The following CAPRIN2 variants were observed in gnomAD, a reference collection of about 807,000 sequenced individuals.
CAPRIN2 encodes caprin family member 2, also known as caprin-2.
Under a neutral mutation model 130.4 loss-of-function variants are expected in CAPRIN2, and 66 were observed. That is an observed-to-expected ratio of 0.51 (90% CI 0.42 to 0.62). CAPRIN2 has a LOEUF of 0.62. Among genes scored for constraint, CAPRIN2 ranks in the 20% least tolerant of loss-of-function variants. The probability of loss-of-function intolerance (pLI) is 0.00; values close to 1 mark genes in which losing one functional copy is unlikely to be tolerated. For missense variants in CAPRIN2, 1,185 were observed against 1,246.6 expected (o/e 0.95, Z 0.74); for synonymous variants, 471 against 444.1 (o/e 1.06, Z -0.76).
intron 10 of CAPRIN2, 109 bp from the exon 12 acceptor site, chr12:30,723,423 G>C (rs2059986521): frequency 2.8e-6 from 2 of 712,200 alleles, no homozygotes; most frequent in Admixed American, 2.4e-5. Flanking sequence ...TTAGCTGGAA[G>C]GACTACGTCT....
chr12:30,753,681 G>C (rs1374182043), exon 1 of CAPRIN2: 5 of 1,614,024 alleles, frequency 3.1e-6, no homozygotes, highest in Non-Finnish European at 4.2e-6. Context: ...AACTTCCCTG[G>C]AAAGTCTAGA....
intron 4 of CAPRIN2, 113 bp from the exon 6 acceptor site, chr12:30,733,824 T>C: frequency 1.4e-6 from 1 of 736,250 alleles, no homozygotes. Context: ...AATGTTAATT[T>C]TGTCTTTTTG....
intron 3 of CAPRIN2, among the ~76,000 whole-genome samples, chr12:30,738,676 T>C (rs1397499884): frequency 6.6e-6 from 1 of 152,076 alleles, no homozygotes; most frequent in Non-Finnish European, 1.5e-5. Context: ...AGATCTAATA[T>C]CCAGTATCTA....
At chr12:30,747,374 C>T (rs1052436163) in intron 2 of CAPRIN2, among the ~76,000 whole-genome samples, 2 of 152,218 alleles carry the variant, frequency 1.3e-5, no homozygotes, top group East Asian at 1.9e-4. Context: ...TTGACTTTCA[C>T]GTCTTCTTAA....
chr12:30,737,758 C>T (rs937291517), intron 3 of CAPRIN2, among the ~76,000 whole-genome samples: 4 of 151,932 alleles, frequency 2.6e-5, no homozygotes, highest in South Asian at 2.1e-4. Flanking sequence ...CCACCACGCC[C>T]GGCTAATTTT....
intron 5 of CAPRIN2, among the ~76,000 whole-genome samples, chr12:30,733,192 C>T (rs1451715961): frequency 6.6e-6 from 1 of 152,114 alleles, no homozygotes; most frequent in Non-Finnish European, 1.5e-5. Flanking sequence ...TTTCCACAGA[C>T]CACTTCCAGA....
exon 13 of CAPRIN2, chr12:30,716,526 C>T (rs2057622301): frequency 6.2e-7 from 1 of 1,613,676 alleles, no homozygotes. Flanking sequence ...TGAGAATGGA[C>T]AGTTTGTTCT....
At chr12:30,747,731 T>C (rs2071406418) in intron 2 of CAPRIN2, among the ~76,000 whole-genome samples, 1 of 150,982 alleles carries the variant, frequency 6.6e-6, no homozygotes, top group African/African-American at 2.4e-5. Context: ...CTGCCATAGA[T>C]AGTGATTTGT....
exon 1 of CAPRIN2, chr12:30,753,915 G>A: frequency 1.5e-6 from 1 of 681,192 alleles, no homozygotes; most frequent in South Asian, 1.9e-5. Context: ...TCTCATGAGG[G>A]CAGATCACAT....
intron 12 of CAPRIN2, among the ~76,000 whole-genome samples, chr12:30,718,465 C>T (rs1398528828): frequency 1.3e-5 from 2 of 152,144 alleles, no homozygotes; most frequent in East Asian, 1.9e-4. Flanking sequence ...CTTATTGGCT[C>T]ACTAAGGCTT....
intron 12 of CAPRIN2, 159 bp from the exon 14 acceptor site, chr12:30,719,384 A>G (rs1441077419): frequency 5.4e-6 from 4 of 737,804 alleles, no homozygotes; most frequent in East Asian, 2.7e-5. Context: ...TCAAATCTCA[A>G]TTGCTGAGGA....
upstream of CAPRIN2, chr12:30,754,909 C>G (rs1046176050): frequency 6.6e-6 from 1 of 152,398 alleles, no homozygotes; most frequent in Non-Finnish European, 1.5e-5. Context: ...CCCGCGGCCT[C>G]TGCGGCGCCA....
chr12:30,717,211 C>T (rs958616455), intron 12 of CAPRIN2, among the ~76,000 whole-genome samples: 3 of 151,930 alleles, frequency 2.0e-5, no homozygotes, highest in African/African-American at 7.3e-5. Context: ...AATGGATAAG[C>T]GAAATGAAGT....
chr12:30,719,395 T>C (rs1413503509), intron 12 of CAPRIN2, 170 bp from the exon 14 acceptor site: 4 of 684,522 alleles, frequency 5.8e-6, no homozygotes, highest in Non-Finnish European at 9.8e-6. Flanking sequence ...TTGCTGAGGA[T>C]GCATACCAGT....
intron 12 of CAPRIN2, among the ~76,000 whole-genome samples, chr12:30,717,838 A>AT (rs2058147808): frequency 6.6e-6 from 1 of 152,058 alleles, no homozygotes; most frequent in African/African-American, 2.4e-5. Context: ...ATTCTGCTCC[A>AT]TTTTTCTTTA....
chr12:30,737,876 C>T (rs1020555761), intron 3 of CAPRIN2, among the ~76,000 whole-genome samples: 3 of 152,104 alleles, frequency 2.0e-5, no homozygotes, highest in Non-Finnish European at 4.4e-5. Context: ...GGATCACACA[C>T]GTGAGCCACC....
chr12:30,750,276 T>C (rs2073079534), intron 2 of CAPRIN2, among the ~76,000 whole-genome samples: 1 of 152,168 alleles, frequency 6.6e-6, no homozygotes, highest in Non-Finnish European at 1.5e-5. Flanking sequence ...GTATCTATGA[T>C]GTATAGCGAA....
In CAPRIN2 at chr12:30,730,241, C is replaced by A; in HGVS notation, c.1102G>T (p.Glu368Ter). ...CAAATTGTCTTTCAGTATCTTACCT[C>A]TTGTGGTTGTATCTCTGGCTGGGCA... is the stretch of plus-strand genomic sequence containing the variant. The change falls in exon 7 of 17, where the codon GAG (glutamate) becomes TAG (stop). Residue 368 changes from glutamate to a stop codon, truncating the protein, a stop_gained and splice_region_variant. Coordinates refer to ENST00000298892, the Ensembl canonical transcript of CAPRIN2. LOFTEE classifies it high-confidence loss of function. The A allele has an allele frequency of 6.2e-7, 1 of 1,610,304 alleles. No homozygotes were observed. Among genetic ancestry groups the A allele is most frequent in the Non-Finnish European group, 8.5e-7 (1 of 1,176,706 alleles).
intron 14 of CAPRIN2, 74 bp downstream of exon 16, chr12:30,714,885 G>A (rs1044974908): frequency 1.3e-5 from 16 of 1,238,236 alleles, no homozygotes; most frequent in Middle Eastern, 4.1e-4. Flanking sequence ...AGCAAGGTTA[G>A]GTAAAAATGG....
Sources: gnomAD v4.1 joint callset for allele counts (sites outside exome capture counted in the v4.1 genomes callset) on GRCh38, gnomAD v4.1.1 for gene constraint, MANE v1.5 for transcripts, NCBI Gene and HGNC (gene_info 2026-07-23, HGNC 2026-07-21) for gene names.